Variants in PARVA observed in about 807,000 individuals in gnomAD.
PARVA encodes alpha-parvin.
Under a neutral mutation model 52.6 loss-of-function variants are expected in PARVA, and 25 were observed. That is an observed-to-expected ratio of 0.48 (90% CI 0.35 to 0.66). PARVA has a LOEUF of 0.66. Ranked by LOEUF, PARVA falls within the 30% of genes least tolerant of loss-of-function variation. The pLI, the probability that PARVA is intolerant of heterozygous loss-of-function variation, is 0.01. For synonymous variants in PARVA, 185 were observed against 179.1 expected (o/e 1.03, Z -0.26); for missense variants, 373 against 450.9 (o/e 0.83, Z 1.56).
intron 1 of PARVA, among the ~76,000 whole-genome samples, chr11:12,444,910 TG>T (rs1225802490): frequency 1.3e-5 from 2 of 152,198 alleles, no homozygotes; most frequent in Non-Finnish European, 2.9e-5. Flanking sequence ...GTGGTCTATC[TG>T]GAGTGTAGCA....
intron 1 of PARVA, among the ~76,000 whole-genome samples, chr11:12,404,890 T>C (rs1397506783): frequency 6.6e-6 from 1 of 152,212 alleles, no homozygotes; most frequent in Non-Finnish European, 1.5e-5. Context: ...GAGAAAACCC[T>C]GTAATGTAAT....
At chr11:12,476,984 A>C (rs1394964184) in intron 3 of PARVA, 1 of 152,242 alleles carries the variant, frequency 6.6e-6, no homozygotes, top group Non-Finnish European at 1.5e-5. Flanking sequence ...ATGAGGATTG[A>C]GTACAAAGGG....
chr11:12,450,253 G>T lies in PARVA; in HGVS notation c.137-23492G>T, dbSNP rs565712071. Among the ~76,000 whole-genome samples the T allele has an allele frequency of 3.5e-4, 53 of 152,170 alleles. 1 individual carries two copies. The highest frequency in any genetic ancestry group is 1.7e-3 in the South Asian group (8 of 4,816). ...CATATTGACTCATTTCATCTTTGCC[G>T]CCACCCCATGGAATAGATATTCTCT... On this transcript the variant is annotated intron_variant, in intron 1 of 12. Coordinates refer to ENST00000334956, the MANE Select transcript of PARVA (RefSeq NM_018222.5).
intron 1 of PARVA, among the ~76,000 whole-genome samples, chr11:12,383,684 C>G (rs1939526722): frequency 6.6e-6 from 1 of 152,156 alleles, no homozygotes; most frequent in Admixed American, 6.5e-5. Context: ...TCTGTAGAGA[C>G]ACAGTCTTGC....
intron 12 of PARVA, among the ~76,000 whole-genome samples, chr11:12,518,818 A>G (rs1941604179): frequency 6.6e-6 from 1 of 152,222 alleles, no homozygotes; most frequent in Admixed American, 6.5e-5. Context: ...CTGTCCCTGC[A>G]CAGGGTGCTG....
chr11:12,465,552 C>T (rs1193625344), intron 1 of PARVA, among the ~76,000 whole-genome samples: 1 of 152,098 alleles, frequency 6.6e-6, no homozygotes, highest in Non-Finnish European at 1.5e-5. Flanking sequence ...CAGCATTTTC[C>T]CCCATTTATC....
At chr11:12,494,191 T>C (rs914842449) in intron 4 of PARVA, among the ~76,000 whole-genome samples, 7 of 152,216 alleles carry the variant, frequency 4.6e-5, no homozygotes, top group Non-Finnish European at 7.3e-5. Flanking sequence ...CTCCAGCACC[T>C]TTATATATTT....
At chr11:12,487,366 C>G (rs1480265406) in intron 4 of PARVA, among the ~76,000 whole-genome samples, 2 of 152,216 alleles carry the variant, frequency 1.3e-5, no homozygotes, top group Non-Finnish European at 2.9e-5. Context: ...AAACATACCT[C>G]TGTTACTCCG....
intron 1 of PARVA, among the ~76,000 whole-genome samples, chr11:12,449,550 A>G (rs1448853562): frequency 6.6e-6 from 1 of 152,128 alleles, no homozygotes; most frequent in Non-Finnish European, 1.5e-5. Context: ...CCCTTCATGG[A>G]CTTACTGCTG....
intron 1 of PARVA, among the ~76,000 whole-genome samples, chr11:12,408,082 T>TC (rs1334508971): frequency 6.6e-6 from 1 of 152,242 alleles, no homozygotes; most frequent in Non-Finnish European, 1.5e-5. Flanking sequence ...TTCACGTGTG[T>TC]CCTGCCAGTT....
At chr11:12,393,190 GTGCATCAGGGACAAGCACTT>G (rs1348786002) in intron 1 of PARVA, among the ~76,000 whole-genome samples, 2 of 151,862 alleles carry the variant, frequency 1.3e-5, no homozygotes, top group East Asian at 3.9e-4. Flanking sequence ...AATAATGTAA[GTGCATCAGGGACAAGCACTT>G]ACAAAGTGCG....
At chr11:12,422,095 C>CT (rs971202734) in intron 1 of PARVA, among the ~76,000 whole-genome samples, 1 of 152,158 alleles carries the variant, frequency 6.6e-6, no homozygotes, top group African/African-American at 2.4e-5. Context: ...GGTTCTTATG[C>CT]TTTTTTCCTA....
intron 6 of PARVA, among the ~76,000 whole-genome samples, chr11:12,504,726 G>A (rs1012755862): frequency 4.7e-5 from 7 of 149,770 alleles, no homozygotes; most frequent in Non-Finnish European, 8.9e-5. Context: ...GAGGGTGTGC[G>A]GTATGTATGT....
At chr11:12,452,780 G>A in intron 1 of PARVA, 1 of 265,686 alleles carries the variant, frequency 3.8e-6, no homozygotes, top group South Asian at 4.0e-5. Context: ...AGGTCTGTGA[G>A]TCTCCAGTGG....
At position 12,513,990 on chromosome 11, in the gene PARVA, CTT is replaced by C; in HGVS notation, c.799-4_799-3del. 3.1e-6 allele frequency: 5 copies of C among 1,613,506 alleles called. No individual in the cohort carries two copies. The South Asian group carries it at 5.5e-5, about 18-fold the overall frequency. ...CCAGCTTAGGGCCTGCTTTGCTTCT[CTT>C]TTAGACACTCATCACTTTCGTGAAC... is the stretch of plus-strand genomic sequence containing the variant. On this transcript the variant is annotated splice_polypyrimidine_tract_variant and splice_region_variant and intron_variant, in intron 9 of 12. Coordinates refer to ENST00000334956, the MANE Select transcript of PARVA (RefSeq NM_018222.5).
intron 1 of PARVA, among the ~76,000 whole-genome samples, chr11:12,459,623 A>C (rs1477285555): frequency 6.6e-6 from 1 of 152,128 alleles, no homozygotes; most frequent in Non-Finnish European, 1.5e-5. Context: ...CGGAATGGTT[A>C]TGTACGGTGT....
At chr11:12,516,856 A>G (rs1941574266) in intron 10 of PARVA, among the ~76,000 whole-genome samples, 1 of 152,210 alleles carries the variant, frequency 6.6e-6, no homozygotes, top group South Asian at 2.1e-4. Flanking sequence ...GAGAAGTGAC[A>G]TAACTTGCCC....
At chr11:12,411,962 C>T (rs895834392) in intron 1 of PARVA, among the ~76,000 whole-genome samples, 1 of 152,166 alleles carries the variant, frequency 6.6e-6, no homozygotes, top group African/African-American at 2.4e-5. Context: ...TGAGGCATAT[C>T]GACTCATCCC....
At chr11:12,452,081 C>T (rs1209782764) in intron 1 of PARVA, among the ~76,000 whole-genome samples, 1 of 151,900 alleles carries the variant, frequency 6.6e-6, no homozygotes, top group Non-Finnish European at 1.5e-5. Flanking sequence ...CAGCAGGGTG[C>T]AGATGAACTG....
Sources: gnomAD v4.1 joint callset for allele counts (sites outside exome capture counted in the v4.1 genomes callset) on GRCh38, gnomAD v4.1.1 for gene constraint, MANE v1.5 for transcripts, NCBI Gene and HGNC (gene_info 2026-07-23, HGNC 2026-07-21) for gene names.